The following PDE3A variants were observed in gnomAD, a reference collection of about 807,000 sequenced individuals.
The protein encoded by PDE3A is cGMP-inhibited 3',5'-cyclic phosphodiesterase 3A.
In PDE3A, 43 loss-of-function variants were observed where a neutral mutation model predicts 98.3. The observed-to-expected ratio is 0.44, with a 90% CI of 0.34 to 0.56. The LOEUF is 0.56. PDE3A is among the 20% of genes least tolerant of loss of function. PDE3A has a pLI of 0.01. For missense variants in PDE3A, 1,427 were observed against 1,440.7 expected (o/e 0.99, Z 0.15); for synonymous variants, 663 against 567.9 (o/e 1.17, Z -2.38).
chr12:20,645,530 G>A (rs1279691674), intron 10 of PDE3A, among the ~76,000 whole-genome samples: 1 of 151,970 alleles, frequency 6.6e-6, no homozygotes. Flanking sequence ...TTGGTTAGCA[G>A]AAATACAATA....
intron 14 of PDE3A, among the ~76,000 whole-genome samples, chr12:20,652,246 T>G (rs1330642503): frequency 3.9e-5 from 6 of 152,222 alleles, no homozygotes; most frequent in African/African-American, 1.4e-4. Flanking sequence ...CATGTGTCTT[T>G]ATAGCAGCAT....
chr12:20,383,897 A>G (rs1565531511), intron 1 of PDE3A, among the ~76,000 whole-genome samples: 1 of 151,982 alleles, frequency 6.6e-6, no homozygotes, highest in East Asian at 1.9e-4. Context: ...AGGGTGTCTC[A>G]TATTCTCTGT....
chr12:20,656,717 A>G (rs895171045), intron 15 of PDE3A, among the ~76,000 whole-genome samples: 1 of 152,160 alleles, frequency 6.6e-6, no homozygotes, highest in African/African-American at 2.4e-5. Context: ...TTTCCACTGA[A>G]TGAAGGTATT....
rs58454608 is a variant in PDE3A at position 20,515,699 on chromosome 12, A to ATTATTTATTTATTTAT, written c.961-40926_961-40911dup. On this transcript the variant is annotated intron_variant, in intron 1 of 15. Transcript: ENST00000359062. Reference sequence around the variant, plus strand: ...TTAGTGGTGTAGAATCTCACACTGTATTATTTATTTATTTATTTATTTATT... The same window carrying ATTATTTATTTATTTAT: ...TTAGTGGTGTAGAATCTCACACTGTATTATTTATTTATTTATTTATTTATTTATTTATTTATTTATT... Among the ~76,000 whole-genome samples, 173 of 141,084 alleles carry ATTATTTATTTATTTAT rather than the reference A, an allele frequency of 1.2e-3. 3 individuals are homozygous for ATTATTTATTTATTTAT. The highest frequency in any genetic ancestry group is 4.4e-3 in the Admixed American group (62 of 14,120). The allele number at this position is 141,084 out of a possible 152,430, so 92.6% of individuals were successfully genotyped here. A position where few individuals can be genotyped will look rare whatever the true frequency, so the allele number is the denominator to read the frequency against.
At chr12:20,414,706 TGA>T (rs1944392912) in intron 1 of PDE3A, among the ~76,000 whole-genome samples, 1 of 152,096 alleles carries the variant, frequency 6.6e-6, no homozygotes, top group African/African-American at 2.4e-5. Flanking sequence ...GTTTCTGAGA[TGA>T]TCAATTCTTT....
chr12:20,482,358 A>G (rs932502387), intron 1 of PDE3A, among the ~76,000 whole-genome samples: 4 of 152,076 alleles, frequency 2.6e-5, no homozygotes, highest in Admixed American at 1.3e-4. Flanking sequence ...CCTCATTTCT[A>G]TAAGTGTGCT....
intron 3 of PDE3A, among the ~76,000 whole-genome samples, chr12:20,614,454 G>T (rs1266757397): frequency 6.6e-6 from 1 of 152,138 alleles, no homozygotes; most frequent in Non-Finnish European, 1.5e-5. Flanking sequence ...CTTTGAGCTG[G>T]TGGTCAGTCA....
chr12:20,497,529 T>TA (rs368630383), intron 1 of PDE3A, among the ~76,000 whole-genome samples: 1,799 of 139,564 alleles, frequency 0.013, 38 homozygotes, highest in African/African-American at 0.041. Context: ...AATTGTGCCC[T>TA]AAAAAAAAAA....
At chr12:20,634,642 G>A (rs932258334) in intron 7 of PDE3A, among the ~76,000 whole-genome samples, 1 of 152,244 alleles carries the variant, frequency 6.6e-6, no homozygotes, top group African/African-American at 2.4e-5. Flanking sequence ...TTTGTTAAAG[G>A]TATGAACTGT....
chr12:20,433,484 A>C (rs4762961), intron 1 of PDE3A, among the ~76,000 whole-genome samples: 11,678 of 152,192 alleles, frequency 0.077, 598 homozygotes, highest in Non-Finnish European at 0.11. Flanking sequence ...TGGGGTCTCT[A>C]TATGTAAGAT....
intron 2 of PDE3A, among the ~76,000 whole-genome samples, chr12:20,596,471 C>T (rs1943468879): frequency 6.6e-6 from 1 of 152,032 alleles, no homozygotes; most frequent in South Asian, 2.1e-4. Flanking sequence ...ACAACTGAAA[C>T]CAGTTTCTTA....
intron 1 of PDE3A, among the ~76,000 whole-genome samples, chr12:20,464,486 T>C (rs961636770): frequency 1.3e-5 from 2 of 152,172 alleles, no homozygotes; most frequent in African/African-American, 4.8e-5. Context: ...ATTGTTATCA[T>C]AATTATCTTT....
At chr12:20,488,954 T>C (rs1945780809) in intron 1 of PDE3A, among the ~76,000 whole-genome samples, 1 of 152,040 alleles carries the variant, frequency 6.6e-6, no homozygotes, top group Admixed American at 6.6e-5. Flanking sequence ...GTATCCAGGT[T>C]CAAAGCGATA....
chr12:20,532,146 A>G (rs1276001378), intron 1 of PDE3A, among the ~76,000 whole-genome samples: 1 of 152,180 alleles, frequency 6.6e-6, no homozygotes, highest in East Asian at 1.9e-4. Flanking sequence ...AAGTAAGTAT[A>G]CATGTAGAGT....
intron 1 of PDE3A, among the ~76,000 whole-genome samples, chr12:20,386,072 AAT>A (rs1308857729): frequency 4.5e-5 from 2 of 44,888 alleles, no homozygotes; most frequent in Middle Eastern, 7.9e-3. Flanking sequence ...ATATATATAA[AAT>A]ATATATAAAT....
At chr12:20,605,854 A>G (rs1943698053) in intron 2 of PDE3A, among the ~76,000 whole-genome samples, 2 of 152,222 alleles carry the variant, frequency 1.3e-5, no homozygotes, top group Admixed American at 1.3e-4. Flanking sequence ...CTTTTCCTCC[A>G]GTTAGAATAA....
intron 1 of PDE3A, among the ~76,000 whole-genome samples, chr12:20,537,682 A>G (rs998628717): frequency 2.9e-4 from 44 of 152,226 alleles, no homozygotes; most frequent in Admixed American, 1.0e-3. Context: ...ATGATATTCT[A>G]TTTTAAAAAT....
chr12:20,673,500 C>G (rs1337750393), intron 15 of PDE3A, among the ~76,000 whole-genome samples: 2 of 143,018 alleles, frequency 1.4e-5, no homozygotes, highest in African/African-American at 5.3e-5. Context: ...CACATATACA[C>G]CATGGAATAC....
chr12:20,373,368 A>C lies in PDE3A; in HGVS notation c.960+3124A>C, dbSNP rs183567901. 2.4e-3 allele frequency among the ~76,000 whole-genome samples: 358 copies of C among 152,244 alleles called. 1 individual carries two copies. Among genetic ancestry groups the C allele is most frequent in the Middle Eastern group, 0.01 (3 of 294 alleles). On this transcript the variant is annotated intron_variant, in intron 1 of 15. Transcript: ENST00000359062. ...AAAGTACCACTGTGCCCTCGGCCCG[A>C]AACATGGGAATATACAGAGGTACCT...
Sources: gnomAD v4.1 joint callset for allele counts (sites outside exome capture counted in the v4.1 genomes callset) on GRCh38, gnomAD v4.1.1 for gene constraint, MANE v1.5 for transcripts, NCBI Gene and HGNC (gene_info 2026-07-23, HGNC 2026-07-21) for gene names.